NIPA1: variants seen among roughly 807,000 people sequenced by gnomAD.
The protein encoded by NIPA1 is NIPA magnesium transporter 1, also known as magnesium transporter NIPA1.
In NIPA1, 13 loss-of-function variants were observed where a neutral mutation model predicts 23.9. The ratio of observed to expected loss-of-function variants is 0.54; its 90% confidence interval spans 0.35 to 0.87. NIPA1 has a LOEUF of 0.87. NIPA1 is among the 40% of genes least tolerant of loss of function. NIPA1 has a pLI of 0.01. For synonymous variants in NIPA1, 234 were observed against 202.9 expected, an observed-to-expected ratio of 1.15 and a Z score of -1.30; for missense variants, 362 against 429.7, an observed-to-expected ratio of 0.84 and a Z score of 1.39.
intron 1 of NIPA1, among the ~76,000 whole-genome samples, chr15:22,807,486 G>T (rs1206331613): frequency 6.6e-6 from 1 of 152,150 alleles, no homozygotes; most frequent in East Asian, 1.9e-4. Flanking sequence ...TTGGGAGGCT[G>T]AGGCAGGAGA....
intron 1 of NIPA1, among the ~76,000 whole-genome samples, chr15:22,788,498 C>CAAAAAAAATAAAAAAAA (rs1894759376): frequency 1.1e-5 from 1 of 89,588 alleles, no homozygotes; most frequent in Non-Finnish European, 2.3e-5. Flanking sequence ...GACTCCATCT[C>CAAAAAAAATAAAAAAAA]AAAAAAAAAA....
chr15:22,791,857 T>A (rs1894836030), intron 1 of NIPA1, among the ~76,000 whole-genome samples: 1 of 151,936 alleles, frequency 6.6e-6, no homozygotes, highest in African/African-American at 2.4e-5. Context: ...CAGCATAGGC[T>A]CGGATGGGAC....
chr15:22,815,066 C>T lies in NIPA1; in HGVS notation c.317+2813C>T, dbSNP rs1188683613. Among the ~76,000 whole-genome samples the T allele has an allele frequency of 4.6e-5, 7 of 152,194 alleles. No individual in the cohort carries two copies. In the South Asian group the frequency reaches 1.5e-3, roughly 32 times the overall value. ...GGGCAAACCACCCCTGGTCAAGAAG[C>T]ACTGTTCTATATGAATATGATGTGA... On this transcript the variant is annotated intron_variant, in intron 3 of 4. Coordinates refer to ENST00000337435, the MANE Select transcript of NIPA1 (RefSeq NM_144599.5).
intron 2 of NIPA1, 27 bp from the exon 3 acceptor site, chr15:22,812,136 G>A: frequency 1.3e-6 from 2 of 1,541,982 alleles, no homozygotes; most frequent in African/African-American, 1.4e-5. Flanking sequence ...GTAATTGCAA[G>A]TAGTATCCTT....
chr15:22,787,159 C>T (rs915000077), intron 1 of NIPA1, among the ~76,000 whole-genome samples: 4 of 152,046 alleles, frequency 2.6e-5, no homozygotes, highest in East Asian at 1.9e-4. Context: ...CTTTTTCCCT[C>T]GGTCCAAGAC....
At chr15:22,818,780 G>GA (rs1419463154) in intron 3 of NIPA1, among the ~76,000 whole-genome samples, 4 of 152,136 alleles carry the variant, frequency 2.6e-5, no homozygotes, top group African/African-American at 9.7e-5. Flanking sequence ...CTGGGTCACA[G>GA]AGTGAGACTC....
At position 22,829,044 on chromosome 15, in the gene NIPA1, A is replaced by G. The variant is rs370377562; in HGVS notation, c.*4805A>G. 9.9e-5 allele frequency: 15 copies of G among 152,226 alleles called. No homozygotes were observed. Among genetic ancestry groups the G allele is most frequent in the African/African-American group, 2.7e-4 (11 of 41,454 alleles). 9.4% of individuals were successfully genotyped at this position (152,226 alleles called of 1,614,324 possible). The stretch of plus-strand genomic sequence containing the variant: ...AAAGCAAAGGAAGTGCTGGGTGTAA[A>G]GTTTGCATGATTCCATGAAGCTTTA... On this transcript the variant is annotated 3_prime_UTR_variant, in exon 5 of 5. Transcript: ENST00000337435.
chr15:22,798,255 T>C (rs1390070316), intron 1 of NIPA1, among the ~76,000 whole-genome samples: 1 of 87,312 alleles, frequency 1.1e-5, no homozygotes, highest in African/African-American at 5.5e-5. Flanking sequence ...TTTTTTTTTT[T>C]TGGAGACAGA....
intron 1 of NIPA1, among the ~76,000 whole-genome samples, chr15:22,799,805 G>C (rs1156814418): frequency 1.6e-5 from 2 of 128,196 alleles, no homozygotes; most frequent in African/African-American, 5.1e-5. Flanking sequence ...AATTAGGCGA[G>C]TGTTGTGGTG....
chr15:22,807,422 A>G (rs17137317), intron 1 of NIPA1, among the ~76,000 whole-genome samples: 16,623 of 152,086 alleles, frequency 0.11, 1,022 homozygotes, highest in Middle Eastern at 0.23. Flanking sequence ...AACCATGTTC[A>G]TTACAATAAA....
At position 22,827,084 on chromosome 15, in the gene NIPA1, A is replaced by G. The variant is rs1895667716; in HGVS notation, c.*2845A>G. The G allele has an allele frequency of 6.6e-6, 1 of 152,030 alleles. No individual in the cohort carries two copies. Among genetic ancestry groups the G allele is most frequent in the Admixed American group, 6.6e-5 (1 of 15,256 alleles). 9.4% of individuals were successfully genotyped at this position (152,030 alleles called of 1,614,324 possible). A position where few individuals can be genotyped will look rare whatever the true frequency, so the allele number is the denominator to read the frequency against. On this transcript the variant is annotated 3_prime_UTR_variant, in exon 5 of 5. Coordinates refer to ENST00000337435, the MANE Select transcript of NIPA1 (RefSeq NM_144599.5). The stretch of plus-strand genomic sequence containing the variant: ...TTCCAAAAGTACATGTACTTGAAAT[A>G]TTTTCATTATCATACTATTCTTTGA...
intron 1 of NIPA1, among the ~76,000 whole-genome samples, chr15:22,793,249 T>C (rs1412417168): frequency 6.9e-6 from 1 of 145,898 alleles, no homozygotes; most frequent in Non-Finnish European, 1.5e-5. Context: ...CTTGGGAGGC[T>C]GAGGCATGAA....
intron 4 of NIPA1, among the ~76,000 whole-genome samples, chr15:22,823,034 TCAGCCTCC>T (rs1895573377): frequency 1.4e-5 from 2 of 140,258 alleles, no homozygotes; most frequent in Admixed American, 7.3e-5. Context: ...TTCTCCTGCC[TCAGCCTCC>T]TGAGTAGCTG....
intron 1 of NIPA1, among the ~76,000 whole-genome samples, chr15:22,801,329 A>G (rs1358848142): frequency 2.6e-5 from 4 of 152,008 alleles, no homozygotes; most frequent in Non-Finnish European, 4.4e-5. Flanking sequence ...TAGTACAGGT[A>G]TAATACTTGA....
chr15:22,787,431 T>C (rs1365017330), intron 1 of NIPA1, among the ~76,000 whole-genome samples: 2 of 152,224 alleles, frequency 1.3e-5, no homozygotes, highest in Non-Finnish European at 2.9e-5. Flanking sequence ...CGGAGCCCGC[T>C]GCGCCTTAGA....
intron 1 of NIPA1, among the ~76,000 whole-genome samples, chr15:22,809,443 A>T (rs1895275898): frequency 6.6e-6 from 1 of 151,978 alleles, no homozygotes; most frequent in Non-Finnish European, 1.5e-5. Context: ...AACAACAAAA[A>T]ATCTCCTCAA....
chr15:22,793,271 C>T (rs1181961096), intron 1 of NIPA1, among the ~76,000 whole-genome samples: 1 of 141,210 alleles, frequency 7.1e-6, no homozygotes, highest in African/African-American at 2.6e-5. Flanking sequence ...ATTGCCTGAA[C>T]CTGGGCTGCA....
intron 1 of NIPA1, among the ~76,000 whole-genome samples, chr15:22,808,849 T>C (rs1483910565): frequency 1.3e-5 from 2 of 151,906 alleles, no homozygotes; most frequent in East Asian, 3.9e-4. Flanking sequence ...TTTAAATTTT[T>C]TGTAGAGATA....
At chr15:22,821,501 C>T (rs1286837627) in intron 4 of NIPA1, among the ~76,000 whole-genome samples, 6 of 150,098 alleles carry the variant, frequency 4.0e-5, no homozygotes, top group Non-Finnish European at 7.4e-5. Context: ...TATCCACACT[C>T]GCTGGTTTTC....
Sources: gnomAD v4.1 joint callset for allele counts (sites outside exome capture counted in the v4.1 genomes callset) on GRCh38, gnomAD v4.1.1 for gene constraint, MANE v1.5 for transcripts, NCBI Gene and HGNC (gene_info 2026-07-23, HGNC 2026-07-21) for gene names.